The following LRP1B variants were observed in gnomAD, a reference collection of about 807,000 sequenced individuals.
LRP1B encodes the protein low-density lipoprotein receptor-related protein 1B.
Under a neutral mutation model 556.6 loss-of-function variants are expected in LRP1B, and 217 were observed. The observed-to-expected ratio is 0.39, with a 90% CI of 0.35 to 0.44. LRP1B has a LOEUF of 0.44. Ranked by LOEUF, LRP1B falls within the 20% of genes least tolerant of loss-of-function variation. LRP1B has a pLI of 1.00. For synonymous variants in LRP1B, 2,047 were observed against 1,865.8 expected, an observed-to-expected ratio of 1.10 and a Z score of -2.50; for missense variants, 5,053 against 5,620.8, an observed-to-expected ratio of 0.90 and a Z score of 3.23.
In LRP1B at chr2:140,615,873, C is replaced by CT. The variant is rs1489602776; in HGVS notation, c.6800-14235dup. On this transcript the variant is annotated intron_variant, in intron 41 of 90. Transcript: ENST00000389484. ...CTGTAAATTCCTTAAAGATTCTATA[C>CT]TTATCTTGCTGACTTTGACCTGTTA... 1.1e-4 allele frequency among the ~76,000 whole-genome samples: 17 copies of CT among 152,148 alleles called. No individual in the cohort carries two copies. The East Asian group carries it at 3.3e-3, about 29-fold the overall frequency.
At chr2:141,087,022 C>T (rs1364188351) in intron 7 of LRP1B, among the ~76,000 whole-genome samples, 2 of 152,144 alleles carry the variant, frequency 1.3e-5, no homozygotes, top group Admixed American at 6.5e-5. Context: ...ACTTACATAG[C>T]ACTGATGGTA....
chr2:141,302,422 CTT>C (rs1289657272), intron 3 of LRP1B, among the ~76,000 whole-genome samples: 1 of 152,074 alleles, frequency 6.6e-6, no homozygotes, highest in Non-Finnish European at 1.5e-5. Flanking sequence ...AGTTATAACT[CTT>C]TTGTTCCTAA....
chr2:140,691,731 A>G (rs1483775486), intron 41 of LRP1B, among the ~76,000 whole-genome samples: 4 of 152,296 alleles, frequency 2.6e-5, no homozygotes, highest in African/African-American at 7.2e-5. Flanking sequence ...TGCTAATGCA[A>G]TTAAATTCCA....
chr2:141,121,668 T>C (rs1384399973), intron 7 of LRP1B, among the ~76,000 whole-genome samples: 2 of 152,086 alleles, frequency 1.3e-5, no homozygotes, highest in East Asian at 3.9e-4. Flanking sequence ...AAAATGGCCA[T>C]ACTGCCCAAG....
intron 1 of LRP1B, among the ~76,000 whole-genome samples, chr2:141,958,896 T>C (rs1402203777): frequency 6.6e-6 from 1 of 152,016 alleles, no homozygotes; most frequent in East Asian, 1.9e-4. Context: ...GGGAAAATCA[T>C]GCATTCTTGA....
chr2:141,476,085 C>T (rs1413326081), intron 3 of LRP1B, among the ~76,000 whole-genome samples: 2 of 152,140 alleles, frequency 1.3e-5, no homozygotes, highest in African/African-American at 2.4e-5. Context: ...TACCTTGGGG[C>T]CAGAGCCCAA....
intron 32 of LRP1B, among the ~76,000 whole-genome samples, chr2:140,778,669 A>G (rs567001186): frequency 6.6e-6 from 1 of 152,224 alleles, no homozygotes; most frequent in East Asian, 1.9e-4. Context: ...AAATTTAATG[A>G]TATGCTCTTT....
chr2:141,292,282 G>A (rs1435354925), intron 3 of LRP1B, among the ~76,000 whole-genome samples: 3 of 152,124 alleles, frequency 2.0e-5, no homozygotes, highest in Non-Finnish European at 1.5e-5. Flanking sequence ...ACTGGTCCCA[G>A]GTACCAAAAA....
chr2:140,734,385 G>A (rs901388037), intron 35 of LRP1B, among the ~76,000 whole-genome samples: 6 of 152,256 alleles, frequency 3.9e-5, no homozygotes, highest in Middle Eastern at 3.4e-3. Flanking sequence ...TAGAATATGA[G>A]GAGAATGATA....
chr2:140,319,702 A>G (rs754484809), intron 82 of LRP1B, among the ~76,000 whole-genome samples: 1 of 152,150 alleles, frequency 6.6e-6, no homozygotes, highest in Non-Finnish European at 1.5e-5. Context: ...GATACTTTGC[A>G]GAGTTTACCT....
At chr2:140,747,874 C>T (rs1299165296) in intron 35 of LRP1B, among the ~76,000 whole-genome samples, 2 of 151,600 alleles carry the variant, frequency 1.3e-5, no homozygotes, top group South Asian at 2.1e-4. Context: ...TAAATGACCA[C>T]ATTTTTCAGT....
chr2:140,384,303 T>G (rs1683665661), intron 67 of LRP1B, among the ~76,000 whole-genome samples: 1 of 152,200 alleles, frequency 6.6e-6, no homozygotes, highest in Admixed American at 6.5e-5. Flanking sequence ...AAGTTCTGTT[T>G]CATAAATAAG....
At chr2:141,598,094 T>C (rs1687589057) in intron 2 of LRP1B, among the ~76,000 whole-genome samples, 1 of 151,714 alleles carries the variant, frequency 6.6e-6, no homozygotes, top group South Asian at 2.1e-4. Flanking sequence ...TTATGATATA[T>C]AATTTTTTTA....
intron 43 of LRP1B, among the ~76,000 whole-genome samples, chr2:140,580,875 A>C (rs1681734976): frequency 6.6e-6 from 1 of 152,178 alleles, no homozygotes; most frequent in Non-Finnish European, 1.5e-5. Context: ...TGGATGTGTC[A>C]ATTTGTTTTC....
chr2:140,960,829 A>G (rs1696013113), intron 18 of LRP1B, among the ~76,000 whole-genome samples: 1 of 152,032 alleles, frequency 6.6e-6, no homozygotes, highest in South Asian at 2.1e-4. Flanking sequence ...TCAAAGATCT[A>G]TTTAAAACAT....
rs765252313 is a variant in LRP1B, at chr2:140,769,313, A to C, written c.5658T>G (p.His1886Gln). The C allele has an allele frequency of 2.5e-6, 4 of 1,611,998 alleles. No homozygotes were observed. The highest frequency in any genetic ancestry group is 3.4e-6 in the Non-Finnish European group (4 of 1,178,512). The change falls in exon 35 of 91, where the codon CAT becomes CAG. Residue 1886 changes from histidine to glutamine, a missense_variant. Physicochemically the swap from His to Gln is conservative, Grantham distance 24. Coordinates refer to ENST00000389484, the MANE Select transcript of LRP1B (RefSeq NM_018557.3). Reference sequence around the variant, plus strand: ...CAAGAGGTATTCCCCTGATTCCTTCATGAACAGAGTACATAAGAAATGATT... The same window carrying C: ...CAAGAGGTATTCCCCTGATTCCTTCCTGAACAGAGTACATAAGAAATGATT... ...GIESFLMYSV[H>Q]EGIRGIPLEP...
intron 2 of LRP1B, among the ~76,000 whole-genome samples, chr2:141,516,805 C>T (rs1279975874): frequency 6.7e-6 from 1 of 150,054 alleles, no homozygotes; most frequent in East Asian, 2.0e-4. Flanking sequence ...TCAAGTGATT[C>T]TCTTGCCTCA....
At chr2:141,120,115 C>G (rs1701009372) in intron 7 of LRP1B, among the ~76,000 whole-genome samples, 1 of 151,854 alleles carries the variant, frequency 6.6e-6, no homozygotes, top group South Asian at 2.1e-4. Context: ...GGAGGAAGAG[C>G]AGACATTTAA....
intron 86 of LRP1B, among the ~76,000 whole-genome samples, chr2:140,266,425 G>C (rs189081328): frequency 6.6e-6 from 1 of 151,904 alleles, no homozygotes; most frequent in Non-Finnish European, 1.5e-5. Context: ...ATTTACTTTT[G>C]TTGATTCCTG....
Sources: gnomAD v4.1 joint callset for allele counts (sites outside exome capture counted in the v4.1 genomes callset) on GRCh38, gnomAD v4.1.1 for gene constraint, MANE v1.5 for transcripts, NCBI Gene and HGNC (gene_info 2026-07-23, HGNC 2026-07-21) for gene names.